Variants in CAMTA1 observed in about 807,000 individuals in gnomAD.
CAMTA1 encodes calmodulin binding transcription activator 1.
In CAMTA1, 27 loss-of-function variants were observed where a neutral mutation model predicts 170.9. The observed-to-expected ratio is 0.16, with a 90% CI of 0.12 to 0.22. The LOEUF is 0.22. Among genes scored for constraint, CAMTA1 ranks in the 10% least tolerant of loss-of-function variants. The pLI is 1.00. For missense variants in CAMTA1, 1,619 were observed against 2,217.2 expected, an observed-to-expected ratio of 0.73 and a Z score of 5.42; for synonymous variants, 833 against 891.5, an observed-to-expected ratio of 0.93 and a Z score of 1.17.
At chr1:7,425,730 A>G (rs2091843001) in intron 5 of CAMTA1, among the ~76,000 whole-genome samples, 1 of 150,736 alleles carries the variant, frequency 6.6e-6, no homozygotes, top group Non-Finnish European at 1.5e-5. Context: ...GGCAGGGTCC[A>G]TCCACCTCAC....
rs891328314 is a variant in CAMTA1, at chr1:7,300,231, C to T, written c.438+50605C>T. ...TCACTCAGAAAACATGATTTTCCTT[C>T]CTCCAAGGGTCTCCCCTAGACCCTG... On this transcript the variant is annotated intron_variant, in intron 5 of 22. Coordinates refer to ENST00000303635, the MANE Select transcript of CAMTA1 (RefSeq NM_015215.4). This position sits in a 1 kb window ranked among gnomAD's most constrained non-coding sequence, Gnocchi z 4.1. 1.3e-5 allele frequency among the ~76,000 whole-genome samples: 2 copies of T among 152,176 alleles called. No individual in the cohort carries two copies. The highest frequency in any genetic ancestry group is 4.8e-5 in the African/African-American group (2 of 41,434).
In CAMTA1 at chr1:7,456,785, G is replaced by A. The variant is rs560143549; in HGVS notation, c.439-11045G>A. Reference sequence around the variant, plus strand: ...GCGGTTTGGCAGGTGCTGGGACACAGCAGGGGCCCATGTGGGCCTGGCTGA... The same window carrying A: ...GCGGTTTGGCAGGTGCTGGGACACAACAGGGGCCCATGTGGGCCTGGCTGA... On this transcript the variant is annotated intron_variant, in intron 5 of 22. Transcript: ENST00000303635. This position sits in a 1 kb window ranked among gnomAD's most constrained non-coding sequence, Gnocchi z 4.9. Among the ~76,000 whole-genome samples the A allele has an allele frequency of 6.6e-6, 1 of 152,374 alleles. No individual in the cohort carries two copies. Among genetic ancestry groups the A allele is most frequent in the East Asian group, 1.9e-4 (1 of 5,190 alleles).
chr1:7,514,067 A>C (rs1280864627), intron 6 of CAMTA1, among the ~76,000 whole-genome samples: 1 of 152,222 alleles, frequency 6.6e-6, no homozygotes, highest in Non-Finnish European at 1.5e-5. Context: ...GTCAGATCAC[A>C]TTCTGGGGCA....
intron 5 of CAMTA1, among the ~76,000 whole-genome samples, chr1:7,385,707 C>T (rs867044330): frequency 1.3e-4 from 20 of 152,336 alleles, no homozygotes; most frequent in African/African-American, 4.3e-4. Flanking sequence ...CCACCCAGCA[C>T]GATGCTCCCT....
chr1:6,818,469 C>G (rs563219701), intron 1 of CAMTA1, among the ~76,000 whole-genome samples: 8 of 152,234 alleles, frequency 5.3e-5, no homozygotes, highest in Non-Finnish European at 1.2e-4. Flanking sequence ...TTGGGTGGTA[C>G]CTTTGAATTG....
At chr1:7,462,689 T>C (rs1464778161) in intron 5 of CAMTA1, among the ~76,000 whole-genome samples, 2 of 152,128 alleles carry the variant, frequency 1.3e-5, no homozygotes. Flanking sequence ...TCCGTGGTAG[T>C]TTGATTGGGA....
chr1:7,206,544 C>T (rs1452293955), intron 4 of CAMTA1, among the ~76,000 whole-genome samples: 1 of 152,154 alleles, frequency 6.6e-6, no homozygotes, highest in Non-Finnish European at 1.5e-5. Context: ...AGTATATTTT[C>T]ATGAGATTCA....
chr1:7,029,488 C>CAAA (rs55736306), intron 3 of CAMTA1, among the ~76,000 whole-genome samples: 9 of 63,816 alleles, frequency 1.4e-4, no homozygotes, highest in Non-Finnish European at 1.8e-4. Context: ...GACTCTGTCT[C>CAAA]AAAAAAAAAA....
At chr1:7,481,559 C>T (rs935928303) in intron 6 of CAMTA1, among the ~76,000 whole-genome samples, 80 of 152,188 alleles carry the variant, frequency 5.3e-4, no homozygotes, top group African/African-American at 1.9e-3. Flanking sequence ...GTTCCTCCCT[C>T]CCCAGCATTT....
At chr1:7,749,670 T>C in intron 19 of CAMTA1, 1 of 380,686 alleles carries the variant, frequency 2.6e-6, no homozygotes, top group African/African-American at 2.2e-5. Flanking sequence ...CAGGTTGCCT[T>C]TTTTTTTTTT....
At chr1:7,145,227 G>A (rs1034912424) in intron 4 of CAMTA1, among the ~76,000 whole-genome samples, 1 of 152,192 alleles carries the variant, frequency 6.6e-6, no homozygotes, top group African/African-American at 2.4e-5. Flanking sequence ...GGCCCGGGAG[G>A]GAGAGCATCT....
chr1:6,845,509 A>T (rs1657732786), intron 3 of CAMTA1, among the ~76,000 whole-genome samples: 2 of 152,252 alleles, frequency 1.3e-5, no homozygotes, highest in South Asian at 4.1e-4. Context: ...TGCATATATT[A>T]AAAAATATAC....
chr1:6,919,621 T>C (rs547823584), intron 3 of CAMTA1, among the ~76,000 whole-genome samples: 1 of 152,320 alleles, frequency 6.6e-6, no homozygotes, highest in South Asian at 2.1e-4. Context: ...GGTGTATTAG[T>C]CTGTTTTCAC....
At chr1:7,520,254 T>TCCTCTTC (rs2094346954) in intron 6 of CAMTA1, among the ~76,000 whole-genome samples, 1 of 16,556 alleles carries the variant, frequency 6.0e-5, no homozygotes, top group Non-Finnish European at 1.1e-4. Context: ...TCCTCTTCCC[T>TCCTCTTC]CCTCCTCCTG....
rs915582425 is a variant in CAMTA1, at chr1:6,893,489, CAG to C, written c.234+68281_234+68282del. On this transcript the variant is annotated intron_variant, in intron 3 of 22. Transcript: ENST00000303635. ...GTGATGCTTTTAGGAAGTTAGGAAA[CAG>C]ATGAGACAGTCTGGCTGGAATAAGA... 1.1e-4 allele frequency among the ~76,000 whole-genome samples: 16 copies of C among 152,328 alleles called. No homozygotes were observed. In the Middle Eastern group the frequency reaches 0.014, roughly 130 times the overall value.
chr1:7,215,509 T>C (rs1433154733), intron 4 of CAMTA1, among the ~76,000 whole-genome samples: 2 of 152,214 alleles, frequency 1.3e-5, no homozygotes, highest in African/African-American at 4.8e-5. Context: ...TTTTCCCACC[T>C]CAGCCTCTCG....
At chr1:7,276,979 T>C (rs925550120) in intron 5 of CAMTA1, among the ~76,000 whole-genome samples, 1 of 152,226 alleles carries the variant, frequency 6.6e-6, no homozygotes, top group Admixed American at 6.5e-5. Flanking sequence ...CATAAAATAT[T>C]CCTTGAAATA....
In CAMTA1 at chr1:6,918,012, G is replaced by T. The variant is rs1347648927; in HGVS notation, c.234+92802G>T. Among the ~76,000 whole-genome samples the T allele has an allele frequency of 6.6e-6, 1 of 152,144 alleles. No individual in the cohort carries two copies. Among genetic ancestry groups the T allele is most frequent in the Non-Finnish European group, 1.5e-5 (1 of 68,020 alleles). On this transcript the variant is annotated intron_variant, in intron 3 of 22. Transcript: ENST00000303635. This position sits in a 1 kb window ranked among gnomAD's most constrained non-coding sequence, Gnocchi z 4.0. ...CCATGCTGTCTGGGACCTAGGCTGG[G>T]TGGGGCTGGGTTAGGCCTCACATCT...
chr1:7,546,001 G>A (rs2094687980), intron 6 of CAMTA1, among the ~76,000 whole-genome samples: 1 of 150,676 alleles, frequency 6.6e-6, no homozygotes, highest in African/African-American at 2.4e-5. Flanking sequence ...TGTCGCCCAG[G>A]CTGGAGTGCA....
Sources: allele counts gnomAD v4.1 joint callset (sites outside exome capture counted in the v4.1 genomes callset), GRCh38; gene constraint gnomAD v4.1.1; non-coding constraint Gnocchi (gnomAD v3.1); transcripts MANE v1.5; gene names NCBI Gene and HGNC (gene_info 2026-07-23, HGNC 2026-07-21).